Variants in ELK3 observed in about 807,000 individuals in gnomAD.
ELK3 encodes ETS transcription factor ELK3, also known as ETS domain-containing protein Elk-3.
Under a neutral mutation model 28.9 loss-of-function variants are expected in ELK3, and 10 were observed. The ratio of observed to expected loss-of-function variants is 0.35; its 90% confidence interval spans 0.21 to 0.59. ELK3 has a LOEUF of 0.59. Ranked by LOEUF, ELK3 falls within the 20% of genes least tolerant of loss-of-function variation. The pLI, the probability that ELK3 is intolerant of heterozygous loss-of-function variation, is 0.82. For missense variants in ELK3, 463 were observed against 517.3 expected (o/e 0.90, Z 1.02); for synonymous variants, 272 against 243.5 (o/e 1.12, Z -1.09).
chr12:96,246,805 T>TCCA, intron 2 of ELK3, 135 bp from the exon 3 acceptor site: 1 of 867,842 alleles, frequency 1.2e-6, no homozygotes, highest in Non-Finnish European at 1.7e-6. Flanking sequence ...CATTCCTCCT[T>TCCA]CCACTTTTCC....
At chr12:96,248,287 C>T (rs1004454109) in intron 3 of ELK3, among the ~76,000 whole-genome samples, 4 of 152,236 alleles carry the variant, frequency 2.6e-5, no homozygotes, top group Non-Finnish European at 5.9e-5. Flanking sequence ...GAGAAAGCCC[C>T]AGTCCACAGC....
chr12:96,207,870 A>C (rs927013282), intron 1 of ELK3, among the ~76,000 whole-genome samples: 11 of 152,372 alleles, frequency 7.2e-5, no homozygotes, highest in East Asian at 5.8e-4. Flanking sequence ...CAGCAATTCA[A>C]ATATGCTGTA....
chr12:96,195,473 T>TG (rs1217529884), intron 1 of ELK3, among the ~76,000 whole-genome samples: 3 of 152,208 alleles, frequency 2.0e-5, no homozygotes, highest in African/African-American at 7.2e-5. Flanking sequence ...CGTTGGCCTG[T>TG]GACGCTACTG....
At chr12:96,224,366 A>G (rs947072842) in intron 2 of ELK3, among the ~76,000 whole-genome samples, 5 of 151,484 alleles carry the variant, frequency 3.3e-5, no homozygotes, top group African/African-American at 9.7e-5. Flanking sequence ...GTGATGACCA[A>G]CCGAGCCATT....
At chr12:96,223,983 GTTTC>G (rs1338106369) in intron 2 of ELK3, 1 of 569,566 alleles carries the variant, frequency 1.8e-6, no homozygotes, top group East Asian at 3.0e-5. Context: ...GTCACATTTT[GTTTC>G]TTCTGCATTT....
chr12:96,201,452 C>G (rs147872131), intron 1 of ELK3, among the ~76,000 whole-genome samples: 4 of 151,886 alleles, frequency 2.6e-5, no homozygotes, highest in South Asian at 2.1e-4. Context: ...GAGACCCCAT[C>G]TCTGCCAAAA....
At chr12:96,245,588 C>G (rs551436764) in intron 2 of ELK3, among the ~76,000 whole-genome samples, 2 of 152,060 alleles carry the variant, frequency 1.3e-5, no homozygotes, top group South Asian at 4.1e-4. Context: ...CACTCATACC[C>G]TGGTTTTAGG....
chr12:96,249,097 G>A (rs547505150), intron 3 of ELK3, among the ~76,000 whole-genome samples: 1 of 152,324 alleles, frequency 6.6e-6, no homozygotes, highest in Admixed American at 6.5e-5. Flanking sequence ...TTATCATCCT[G>A]TTTCCCAGCT....
At chr12:96,259,235 A>G (rs1390368681) in intron 3 of ELK3, among the ~76,000 whole-genome samples, 2 of 152,172 alleles carry the variant, frequency 1.3e-5, no homozygotes, top group Non-Finnish European at 2.9e-5. Flanking sequence ...TTATGAAAAA[A>G]GTGTTAATAA....
intron 1 of ELK3, among the ~76,000 whole-genome samples, chr12:96,221,037 T>G (rs1951658056): frequency 6.6e-6 from 1 of 152,126 alleles, no homozygotes; most frequent in Admixed American, 6.5e-5. Context: ...AGACCCCAAC[T>G]CGGCAATGGG....
intron 1 of ELK3, among the ~76,000 whole-genome samples, chr12:96,212,462 A>G (rs1044361721): frequency 6.6e-6 from 1 of 152,176 alleles, no homozygotes; most frequent in Non-Finnish European, 1.5e-5. Flanking sequence ...TCTGTTTTTT[A>G]TAGCCCCACT....
At chr12:96,239,279 A>T (rs571728383) in intron 2 of ELK3, among the ~76,000 whole-genome samples, 26 of 152,344 alleles carry the variant, frequency 1.7e-4, no homozygotes, top group Admixed American at 4.6e-4. Context: ...TATATGCAAT[A>T]GAACATTTTT....
rs928747141 is a variant in ELK3 at position 96,247,996 on chromosome 12, C to G, written c.1002+262C>G. Among the ~76,000 whole-genome samples the G allele has an allele frequency of 3.3e-5, 5 of 152,188 alleles. No individual in the cohort carries two copies. Among genetic ancestry groups the G allele is most frequent in the Admixed American group, 3.3e-4 (5 of 15,286 alleles). ...CGGCCTAAAGTGACCATAGGTGGAA[C>G]ACGCACACTGGCCGACAAAGCAGAT... On this transcript the variant is annotated intron_variant, in intron 3 of 4. Transcript: ENST00000228741. This position sits in a 1 kb window ranked among gnomAD's most constrained non-coding sequence, Gnocchi z 5.5.
intron 3 of ELK3, among the ~76,000 whole-genome samples, chr12:96,258,485 G>A (rs1219002653): frequency 6.6e-6 from 1 of 152,178 alleles, no homozygotes; most frequent in East Asian, 1.9e-4. Flanking sequence ...TGATGCTACG[G>A]AGGCCAATTC....
chr12:96,223,817 A>T (rs772323404), intron 2 of ELK3, 44 bp downstream of exon 2: 2 of 1,579,274 alleles, frequency 1.3e-6, no homozygotes, highest in South Asian at 2.2e-5. Flanking sequence ...GGAGGGTGGA[A>T]TCCCCTCTGC....
chr12:96,207,811 A>C (rs1029686894), intron 1 of ELK3, among the ~76,000 whole-genome samples: 1 of 152,226 alleles, frequency 6.6e-6, no homozygotes, highest in Admixed American at 6.5e-5. Context: ...ACTTCAGAAA[A>C]AGAAAGAAAA....
chr12:96,252,226 T>A (rs114541097), intron 3 of ELK3, among the ~76,000 whole-genome samples: 1,694 of 152,332 alleles, frequency 0.011, 20 homozygotes, highest in African/African-American at 0.038. Context: ...AAAAGATTCC[T>A]TTCAAAATAT....
At chr12:96,248,531 G>C (rs1243368364) in intron 3 of ELK3, among the ~76,000 whole-genome samples, 2 of 152,200 alleles carry the variant, frequency 1.3e-5, no homozygotes, top group East Asian at 3.8e-4. Context: ...TAGGTTCACA[G>C]ACCTGCATTC....
At chr12:96,195,026 C>A (rs1044057910) in intron 1 of ELK3, among the ~76,000 whole-genome samples, 2 of 151,652 alleles carry the variant, frequency 1.3e-5, no homozygotes, top group African/African-American at 4.8e-5. Flanking sequence ...GGGCGCCGGG[C>A]GTGCAACCCT....
Sources: allele counts gnomAD v4.1 joint callset (sites outside exome capture counted in the v4.1 genomes callset), GRCh38; gene constraint gnomAD v4.1.1; non-coding constraint Gnocchi (gnomAD v3.1); transcripts MANE v1.5; gene names NCBI Gene and HGNC (gene_info 2026-07-23, HGNC 2026-07-21).